The following KCTD19 variants were observed in gnomAD, a reference collection of about 807,000 sequenced individuals.
KCTD19 encodes the protein BTB/POZ domain-containing protein KCTD19.
In KCTD19, 67 loss-of-function variants were observed where a neutral mutation model predicts 103.5. The ratio of observed to expected loss-of-function variants is 0.65; its 90% CI spans 0.53 to 0.79. The LOEUF is 0.79. Ranked by LOEUF, KCTD19 falls within the 30% of genes least tolerant of loss-of-function variation. KCTD19 has a pLI of 0.00. For synonymous variants in KCTD19, 439 were observed against 452.2 expected (o/e 0.97, Z 0.37); for missense variants, 980 against 1,136.1 (o/e 0.86, Z 1.98).
intron 15 of KCTD19, 106 bp from the exon 16 acceptor site, chr16:67,289,788 T>C (rs1373529676): frequency 6.7e-6 from 5 of 744,402 alleles, no homozygotes; most frequent in South Asian, 1.7e-5. Context: ...CAAGCCCGGC[T>C]GTTGGGGACT....
chr16:67,317,310 C>A (rs2037023335), intron 2 of KCTD19, among the ~76,000 whole-genome samples: 1 of 151,942 alleles, frequency 6.6e-6, no homozygotes, highest in African/African-American at 2.4e-5. Context: ...AAAACCCCAT[C>A]TCCACTAAAA....
At chr16:67,312,670 C>T (rs994131389) in intron 2 of KCTD19, among the ~76,000 whole-genome samples, 4 of 152,178 alleles carry the variant, frequency 2.6e-5, no homozygotes, top group Non-Finnish European at 5.9e-5. Flanking sequence ...GTGTACACAT[C>T]CCTCAAAATC....
chr16:67,304,464 A>G lies in KCTD19; in HGVS notation c.408T>C (p.Ile136=), dbSNP rs754894683. 5.0e-6 allele frequency: 8 copies of G among 1,613,970 alleles called. No homozygotes were observed. The East Asian group carries it at 1.8e-4, about 36-fold the overall frequency. The stretch of plus-strand genomic sequence containing the variant: ...TAATTGGAAATTCTGAGGGTTTGCT[A>G]ATACACTTCCATGTACGCCAGTAGT... The part of the protein sequence containing the change: ...SLNYWRTWKC[I]SKPSEFPIKS... Residue 136 remains isoleucine, a synonymous_variant, in exon 3 of 16, where the codon ATT becomes ATC. Transcript: ENST00000304372.
intron 2 of KCTD19, among the ~76,000 whole-genome samples, chr16:67,313,134 G>C (rs2036966205): frequency 6.7e-6 from 1 of 149,362 alleles, no homozygotes; most frequent in Non-Finnish European, 1.5e-5. Context: ...TTTTGAGACA[G>C]AGTCTCCCTC....
chr16:67,310,867 AG>A (rs1313341539), intron 2 of KCTD19, among the ~76,000 whole-genome samples: 2 of 152,208 alleles, frequency 1.3e-5, no homozygotes, highest in Non-Finnish European at 2.9e-5. Context: ...AAAGACAAGG[AG>A]GGCCAGCACT....
intron 13 of KCTD19, 87 bp from the exon 14 acceptor site, chr16:67,291,550 C>T: frequency 6.4e-7 from 1 of 1,565,564 alleles, no homozygotes; most frequent in Non-Finnish European, 8.7e-7. Flanking sequence ...GGGGTAGGGC[C>T]CCCAGGGGCC....
At chr16:67,297,400 T>A in intron 7 of KCTD19, 103 bp downstream of exon 7, 6 of 1,168,658 alleles carry the variant, frequency 5.1e-6, no homozygotes, top group Non-Finnish European at 7.3e-6. Context: ...TTTCCCCTCC[T>A]CCTCCATCTA....
At chr16:67,325,753 G>A (rs1355543212) in intron 1 of KCTD19, among the ~76,000 whole-genome samples, 1 of 152,118 alleles carries the variant, frequency 6.6e-6, no homozygotes, top group Admixed American at 6.6e-5. Context: ...GCAAGCTTAG[G>A]GGAACCTGTG....
In KCTD19 at chr16:67,303,049, C is replaced by T; in HGVS notation, c.643+97G>A. On this transcript the variant is annotated intron_variant, in intron 4 of 15. Transcript: ENST00000304372. This position sits in a 1 kb window ranked among gnomAD's most constrained non-coding sequence, Gnocchi z 4.3. ...TCTGCCCAGGGAAGCTCCTGAGGCC[C>T]TGAGCACCAAGCTGGGCCTCTGTGG... The T allele has an allele frequency of 3.9e-6, 5 of 1,293,202 alleles. No homozygotes were observed. The South Asian group carries it at 5.1e-5, about 13-fold the overall frequency. The allele number at this position is 1,293,202 out of a possible 1,614,324, so 80.1% of individuals were successfully genotyped here. A position where few individuals can be genotyped will look rare whatever the true frequency, so the allele number is the denominator to read the frequency against.
intron 2 of KCTD19, among the ~76,000 whole-genome samples, chr16:67,305,090 CAA>C (rs2036878503): frequency 6.6e-6 from 1 of 152,180 alleles, no homozygotes; most frequent in South Asian, 2.1e-4. Context: ...ATTTTTGAAA[CAA>C]GTTTTGTTAT....
intron 2 of KCTD19, among the ~76,000 whole-genome samples, chr16:67,315,227 C>T (rs2036997403): frequency 6.6e-6 from 1 of 152,036 alleles, no homozygotes; most frequent in Non-Finnish European, 1.5e-5. Flanking sequence ...TGACATCTCC[C>T]TACCTCTCAC....
rs1382875109 is a variant in KCTD19 at position 67,320,508 on chromosome 16, C to A, written c.300+81G>T. On this transcript the variant is annotated intron_variant, in intron 2 of 15. Transcript: ENST00000304372. The surrounding 1 kb of genome is among the most constrained non-coding windows in gnomAD (Gnocchi z 4.0). ...CCATTAAGAGGGTCATCTCAGCAAC[C>A]AATATATAACAGGAAACAATATTTA... 6.5e-6 allele frequency: 9 copies of A among 1,382,070 alleles called. No homozygotes were observed. Among genetic ancestry groups the A allele is most frequent in the African/African-American group, 1.5e-5 (1 of 68,922 alleles). The allele number at this position is 1,382,070 out of a possible 1,614,324, so 85.6% of individuals were successfully genotyped here. A position where few individuals can be genotyped will look rare whatever the true frequency, so the allele number is the denominator to read the frequency against.
rs183051462 is a variant in KCTD19 at position 67,305,527 on chromosome 16, G to A, written c.301-956C>T. On this transcript the variant is annotated intron_variant, in intron 2 of 15. Coordinates refer to ENST00000304372, the MANE Select transcript of KCTD19 (RefSeq NM_001100915.3). ...CGACCAGAGGTGGGCTGAGGCTGGA[G>A]TGGAGCACCCCAACTAGGCAAGCCT... The A allele has an allele frequency of 6.1e-3, 2,696 of 444,178 alleles. 14 individuals carry two copies. The highest frequency in any genetic ancestry group is 9.8e-3 in the Non-Finnish European group (2,183 of 222,234). The allele number at this position is 444,178 out of a possible 1,614,324, so 27.5% of individuals were successfully genotyped here. A position where few individuals can be genotyped will look rare whatever the true frequency, so the allele number is the denominator to read the frequency against.
intron 15 of KCTD19, among the ~76,000 whole-genome samples, chr16:67,290,426 C>T (rs900265356): frequency 4.6e-5 from 7 of 152,134 alleles, no homozygotes; most frequent in Non-Finnish European, 7.4e-5. Context: ...GATCCACCCG[C>T]CTCGGCCTCC....
intron 2 of KCTD19, among the ~76,000 whole-genome samples, chr16:67,317,468 A>ACT (rs910150378): frequency 4.6e-5 from 7 of 150,638 alleles, no homozygotes; most frequent in African/African-American, 1.7e-4. Context: ...ACAGAGTGAG[A>ACT]CTCTGTCTCC....
In KCTD19 at chr16:67,326,735, G is replaced by C. The variant is rs745529863; in HGVS notation, c.-28C>G. The C allele has an allele frequency of 1.9e-6, 3 of 1,570,690 alleles. No homozygotes were observed. Among genetic ancestry groups the C allele is most frequent in the South Asian group, 2.3e-5 (2 of 88,130 alleles). On this transcript the variant is annotated 5_prime_UTR_variant, in exon 1 of 16. Coordinates refer to ENST00000304372, the MANE Select transcript of KCTD19 (RefSeq NM_001100915.3). The stretch of plus-strand genomic sequence containing the variant: ...TCGCGGCTCCAGCAGCGGGCGGGCG[G>C]GCTTGTGACCCGGCCAATAACGGTT...
At position 67,294,614 on chromosome 16, in the gene KCTD19, C is replaced by A; in HGVS notation, c.1556G>T (p.Gly519Val). 1 of 1,613,952 alleles carries A rather than the reference C, an allele frequency of 6.2e-7. No homozygotes were observed. The highest frequency in any genetic ancestry group is 8.5e-7 in the Non-Finnish European group (1 of 1,179,826). The stretch of plus-strand genomic sequence containing the variant: ...GTCTCTACTGAACTCCACCAGTGAC[C>A]CTGGCCCTTCTGTCACCACATGCAG... ...RRLHVVTEGP[G>V]SLVEFSRDTK... Residue 519 changes from glycine to valine, a missense_variant, in exon 11 of 16, where the codon GGG becomes GTG. Physicochemically the swap from Gly to Val is moderately radical, Grantham distance 109. Coordinates refer to ENST00000304372, the MANE Select transcript of KCTD19 (RefSeq NM_001100915.3).
At chr16:67,322,829 T>C (rs1217477615) in intron 1 of KCTD19, among the ~76,000 whole-genome samples, 1 of 152,130 alleles carries the variant, frequency 6.6e-6, no homozygotes, top group African/African-American at 2.4e-5. Context: ...AGAACTTGTT[T>C]TTAGAATATA....
At position 67,289,567 on chromosome 16, in the gene KCTD19, C is replaced by T. The variant is rs1047830551; in HGVS notation, c.*2G>A. 3 of 1,599,438 alleles carry T rather than the reference C, an allele frequency of 1.9e-6. No homozygotes were observed. The highest frequency in any genetic ancestry group is 2.6e-6 in the Non-Finnish European group (3 of 1,166,832). ...GCATGAGGGGCTGCATCTCTGGGCA[C>T]CCTAGTCCTCTTGTAGGTACTTTCC... On this transcript the variant is annotated 3_prime_UTR_variant, in exon 16 of 16. Coordinates refer to ENST00000304372, the MANE Select transcript of KCTD19 (RefSeq NM_001100915.3).
Sources: gnomAD v4.1 joint callset for allele counts (sites outside exome capture counted in the v4.1 genomes callset) on GRCh38, gnomAD v4.1.1 for gene constraint, Gnocchi (gnomAD v3.1) non-coding constraint, MANE v1.5 for transcripts, NCBI Gene and HGNC (gene_info 2026-07-23, HGNC 2026-07-21) for gene names.